Variants in GPR180 observed in about 807,000 individuals in gnomAD.
GPR180 encodes the protein integral membrane protein GPR180.
GPR180 carries 53 observed loss-of-function variants against 52.6 expected under a neutral mutation model. That is an observed-to-expected ratio of 1.01 (90% confidence interval 0.81 to 1.27). The LOEUF is 1.27. GPR180 is among the 50% of genes most tolerant of loss of function. The probability of loss-of-function intolerance (pLI) is 0.00; values close to 1 mark genes in which losing one functional copy is unlikely to be tolerated. For missense variants in GPR180, 533 were observed against 527.0 expected (o/e 1.01, Z -0.11); for synonymous variants, 200 against 193.1 (o/e 1.04, Z -0.30).
At chr13:94,608,492 A>G (rs892464509) in intron 2 of GPR180, among the ~76,000 whole-genome samples, 2 of 152,190 alleles carry the variant, frequency 1.3e-5, no homozygotes, top group African/African-American at 4.8e-5. Context: ...GTTTTGTCAA[A>G]TTTTGGGGCT....
In GPR180 at chr13:94,601,956, C is replaced by G; in HGVS notation, c.29C>G (p.Ala10Gly). MGGLRLLAVALTCCWWPQGS... is the reference protein window; with the variant it reads MGGLRLLAVGLTCCWWPQGS... Reference sequence around the variant, plus strand: ...GGGGGGCTGCGGCTGCTGGCTGTGGCCCTCACGTGCTGCTGGTGGCCGCAG... The same window carrying G: ...GGGGGGCTGCGGCTGCTGGCTGTGGGCCTCACGTGCTGCTGGTGGCCGCAG... The change falls in exon 1 of 9, where the codon GCC (alanine) becomes GGC (glycine). Residue 10 changes from alanine to glycine, a missense_variant. By Grantham distance (60) the Ala-to-Gly change is moderately conservative. Coordinates refer to ENST00000376958, the MANE Select transcript of GPR180 (RefSeq NM_180989.6). 1 of 1,497,896 alleles carries G rather than the reference C, an allele frequency of 6.7e-7. No individual in the cohort carries two copies. The highest frequency in any genetic ancestry group is 1.4e-5 in the African/African-American group (1 of 69,500). The allele number at this position is 1,497,896 out of a possible 1,614,324, so 92.8% of individuals were successfully genotyped here. A position where few individuals can be genotyped will look rare whatever the true frequency, so the allele number is the denominator to read the frequency against.
intron 6 of GPR180, among the ~76,000 whole-genome samples, chr13:94,621,758 A>G (rs1014862581): frequency 1.3e-5 from 2 of 152,322 alleles, no homozygotes; most frequent in African/African-American, 4.8e-5. Flanking sequence ...AAGCAAATGT[A>G]AAAACAAAAC....
Position 94,632,732 on chromosome 13 carries a change from A to T in GPR180, c.*5561A>T, listed in dbSNP as rs1890015348. The T allele has an allele frequency of 6.6e-6, 1 of 152,140 alleles. No individual in the cohort carries two copies. Among genetic ancestry groups the T allele is most frequent in the East Asian group, 1.9e-4 (1 of 5,198 alleles). The allele number at this position is 152,140 out of a possible 1,614,324, so 9.4% of individuals were successfully genotyped here. ...CTCTGATAGTTACGCTAACCAGATG[A>T]CTCAAATAGGGGCTAGCCACACCAG... On this transcript the variant is annotated 3_prime_UTR_variant, in exon 9 of 9. Transcript: ENST00000376958.
chr13:94,611,103 C>A (rs1356843143), intron 2 of GPR180, among the ~76,000 whole-genome samples: 1 of 152,188 alleles, frequency 6.6e-6, no homozygotes, highest in East Asian at 1.9e-4. Context: ...CAAGGTCACA[C>A]AACAGGTAAG....
intron 7 of GPR180, among the ~76,000 whole-genome samples, chr13:94,625,723 A>C (rs1283949829): frequency 6.6e-6 from 1 of 152,204 alleles, no homozygotes; most frequent in Non-Finnish European, 1.5e-5. Flanking sequence ...GTGTATCAAA[A>C]TGTGTATGCA....
intron 5 of GPR180, 80 bp downstream of exon 5, chr13:94,619,597 A>G: frequency 8.2e-7 from 1 of 1,218,278 alleles, no homozygotes; most frequent in Non-Finnish European, 1.2e-6. Context: ...CATAGTATAA[A>G]TTTTCTGTCG....
rs1293143746 is a variant in GPR180, at chr13:94,629,637, T to G, written c.*2466T>G. 1 of 152,206 alleles carries G rather than the reference T, an allele frequency of 6.6e-6. No homozygotes were observed. The highest frequency in any genetic ancestry group is 1.5e-5 in the Non-Finnish European group (1 of 68,026). The allele number at this position is 152,206 out of a possible 1,614,324, so 9.4% of individuals were successfully genotyped here. A position where few individuals can be genotyped will look rare whatever the true frequency, so the allele number is the denominator to read the frequency against. On this transcript the variant is annotated 3_prime_UTR_variant, in exon 9 of 9. Coordinates refer to ENST00000376958, the MANE Select transcript of GPR180 (RefSeq NM_180989.6). Reference sequence around the variant, plus strand: ...TTTAGTGAGAATGAATTGCTATCCATCATAATTTTTGCTGTTGATTTGAAC... The same window carrying G: ...TTTAGTGAGAATGAATTGCTATCCAGCATAATTTTTGCTGTTGATTTGAAC...
At chr13:94,623,413 C>T (rs1889879489) in intron 7 of GPR180, 113 bp downstream of exon 7, 1 of 770,472 alleles carries the variant, frequency 1.3e-6, no homozygotes, top group East Asian at 2.6e-5. Context: ...GGGTTGGGCA[C>T]AGTGGCTCAC....
intron 7 of GPR180, 89 bp from the exon 8 acceptor site, chr13:94,625,877 C>A: frequency 1.2e-6 from 1 of 841,260 alleles, no homozygotes; most frequent in South Asian, 1.8e-5. Flanking sequence ...TTAATCAGAA[C>A]CTAAAAATGC....
chr13:94,620,274 A>G (rs1889834963), intron 5 of GPR180, among the ~76,000 whole-genome samples: 1 of 152,182 alleles, frequency 6.6e-6, no homozygotes, highest in Non-Finnish European at 1.5e-5. Context: ...TTCTGACCCA[A>G]AGCCTAAAAC....
Position 94,631,855 on chromosome 13 carries a change from G to A in GPR180, c.*4684G>A, listed in dbSNP as rs950634583. On this transcript the variant is annotated 3_prime_UTR_variant, in exon 9 of 9. Coordinates refer to ENST00000376958, the MANE Select transcript of GPR180 (RefSeq NM_180989.6). ...AGAGGATTTCTCAAATTCTCACAGA[G>A]GCAGTTTCTCTTTATTTTATGTAGT... 2.6e-5 allele frequency: 4 copies of A among 151,996 alleles called. No homozygotes were observed. Among genetic ancestry groups the A allele is most frequent in the Admixed American group, 6.6e-5 (1 of 15,256 alleles). 9.4% of individuals were successfully genotyped at this position (151,996 alleles called of 1,614,324 possible). A position where few individuals can be genotyped will look rare whatever the true frequency, so the allele number is the denominator to read the frequency against.
chr13:94,627,185 T>C lies in GPR180; in HGVS notation c.*14T>C, dbSNP rs765668705. ...CCTCATTTCTGATACTTGATTTTTGTTGAGAGGAAAAGTGAATTGGTTAAA... is the reference window on the plus strand; with the variant it reads ...CCTCATTTCTGATACTTGATTTTTGCTGAGAGGAAAAGTGAATTGGTTAAA... On this transcript the variant is annotated 3_prime_UTR_variant, in exon 9 of 9. Coordinates refer to ENST00000376958, the MANE Select transcript of GPR180 (RefSeq NM_180989.6). 1.2e-6 allele frequency: 2 copies of C among 1,610,134 alleles called. No individual in the cohort carries two copies. The highest frequency in any genetic ancestry group is 1.7e-6 in the Non-Finnish European group (2 of 1,178,100).
rs907103367 is a variant in GPR180 at position 94,632,980 on chromosome 13, C to T, written c.*5809C>T. 1.3e-5 allele frequency: 2 copies of T among 152,138 alleles called. No homozygotes were observed. The highest frequency in any genetic ancestry group is 4.8e-5 in the African/African-American group (2 of 41,382). The allele number at this position is 152,138 out of a possible 1,614,324, so 9.4% of individuals were successfully genotyped here. On this transcript the variant is annotated 3_prime_UTR_variant, in exon 9 of 9. Transcript: ENST00000376958. ...GTGTGTTCTAGGAGGGTGACATGTCCCTGAGGGCACAGAAACTTTGTGTTT... is the reference window on the plus strand; with the variant it reads ...GTGTGTTCTAGGAGGGTGACATGTCTCTGAGGGCACAGAAACTTTGTGTTT...
intron 3 of GPR180, among the ~76,000 whole-genome samples, chr13:94,618,894 T>A (rs377080733): frequency 6.6e-6 from 1 of 152,248 alleles, no homozygotes; most frequent in Admixed American, 6.5e-5. Context: ...AGTCTTTGGG[T>A]TCCCCTGACC....
intron 1 of GPR180, 138 bp downstream of exon 1, chr13:94,602,210 C>A: frequency 1.2e-6 from 1 of 801,922 alleles, no homozygotes; most frequent in Non-Finnish European, 1.7e-6. Flanking sequence ...GGACCTCCAG[C>A]GTTGCAGCAG....
rs1478945911 is a variant in GPR180 at position 94,627,266 on chromosome 13, A to T, written c.*95A>T. ...TTTTTTTTCATACATTTAGTATGAA[A>T]ACTTGAACAGCGAAAGCAGAGCATG... is the stretch of plus-strand genomic sequence containing the variant. On this transcript the variant is annotated 3_prime_UTR_variant, in exon 9 of 9. Coordinates refer to ENST00000376958, the MANE Select transcript of GPR180 (RefSeq NM_180989.6). 6 of 1,026,380 alleles carry T rather than the reference A, an allele frequency of 5.8e-6. No homozygotes were observed. The highest frequency in any genetic ancestry group is 1.6e-5 in the African/African-American group (1 of 61,474). The allele number at this position is 1,026,380 out of a possible 1,614,324, so 63.6% of individuals were successfully genotyped here. A position where few individuals can be genotyped will look rare whatever the true frequency, so the allele number is the denominator to read the frequency against.
intron 5 of GPR180, among the ~76,000 whole-genome samples, chr13:94,620,736 T>C (rs1889839944): frequency 6.6e-6 from 1 of 152,166 alleles, no homozygotes; most frequent in Non-Finnish European, 1.5e-5. Flanking sequence ...CAGTGAGTTA[T>C]AGAGAACAGG....
rs777915271 is a variant in GPR180 at position 94,602,070 on chromosome 13, A to G, written c.143A>G (p.His48Arg). The stretch of plus-strand genomic sequence containing the variant: ...CAGCGCATCGGCCACTTCGAGTTCC[A>G]TGGTAGGTCTGGGGGCGGGGAGGGG... ...QGQRIGHFEFHGDHALLCVRI... is the reference protein window; with the variant it reads ...QGQRIGHFEFRGDHALLCVRI... The change falls in exon 1 of 9, where the codon CAT (histidine) becomes CGT (arginine). Residue 48 changes from histidine to arginine, a missense_variant and splice_region_variant. Physicochemically the swap from His to Arg is conservative, Grantham distance 29. Transcript: ENST00000376958. 152 of 1,380,672 alleles carry G rather than the reference A, an allele frequency of 1.1e-4. No individual in the cohort carries two copies. Among genetic ancestry groups the G allele is most frequent in the Non-Finnish European group, 1.3e-4 (142 of 1,063,234 alleles). 85.5% of individuals were successfully genotyped at this position (1,380,672 alleles called of 1,614,324 possible).
At chr13:94,625,111 G>A (rs1203361700) in intron 7 of GPR180, among the ~76,000 whole-genome samples, 1 of 152,230 alleles carries the variant, frequency 6.6e-6, no homozygotes, top group Non-Finnish European at 1.5e-5. Context: ...ACCGCGCCTA[G>A]CCTCTTGTTT....
Sources: allele counts gnomAD v4.1 joint callset (sites outside exome capture counted in the v4.1 genomes callset), GRCh38; gene constraint gnomAD v4.1.1; transcripts MANE v1.5; gene names NCBI Gene and HGNC (gene_info 2026-07-23, HGNC 2026-07-21).